SCP2: variants seen among roughly 807,000 people sequenced by gnomAD.
SCP2 encodes the protein SCP-2/3-oxoacyl-CoA thiolase.
SCP2 carries 48 observed loss-of-function variants against 71.4 expected under a neutral mutation model. The observed-to-expected ratio is 0.67, with a 90% confidence interval of 0.53 to 0.86. The LOEUF is 0.86. Ranked by LOEUF, SCP2 falls within the 40% of genes least tolerant of loss-of-function variation. The probability of loss-of-function intolerance (pLI) is 0.00; values close to 1 mark genes in which losing one functional copy is unlikely to be tolerated. For synonymous variants in SCP2, 220 were observed against 218.1 expected, an observed-to-expected ratio of 1.01 and a Z score of -0.08; for missense variants, 560 against 655.6, an observed-to-expected ratio of 0.85 and a Z score of 1.59.
intron 3 of SCP2, among the ~76,000 whole-genome samples, chr1:52,948,947 A>ATTT (rs35066602): frequency 2.7e-5 from 4 of 146,412 alleles, no homozygotes; most frequent in Non-Finnish European, 1.5e-5. Flanking sequence ...CCCCAACAAC[A>ATTT]TTTTTTTTTT....
At chr1:52,928,355 GTGAATGTTAGTTGAACAATAC>G (rs1652734474) in intron 1 of SCP2, among the ~76,000 whole-genome samples, 1 of 152,224 alleles carries the variant, frequency 6.6e-6, no homozygotes, top group East Asian at 1.9e-4. Context: ...AAGACCCTCA[GTGAATGTTAGTTGAACAATAC>G]TAAATGGATA....
chr1:52,937,136 A>G (rs553748632), intron 1 of SCP2, among the ~76,000 whole-genome samples: 9 of 152,242 alleles, frequency 5.9e-5, no homozygotes, highest in African/African-American at 2.2e-4. Context: ...AAAAGGTCTG[A>G]TCCTTATTGG....
intron 13 of SCP2, among the ~76,000 whole-genome samples, chr1:53,037,930 A>G (rs954971613): frequency 2.5e-4 from 30 of 119,718 alleles, no homozygotes; most frequent in Non-Finnish European, 4.9e-4. Context: ...ACACACACAC[A>G]GATCCAGATC....
At position 53,021,440 on chromosome 1, in the gene SCP2, T is replaced by C. The variant is rs1371021604; in HGVS notation, c.1235+6397T>C. 4.6e-5 allele frequency among the ~76,000 whole-genome samples: 7 copies of C among 150,984 alleles called. No individual in the cohort carries two copies. The South Asian group carries it at 1.5e-3, about 32-fold the overall frequency. ...CAAGCAATTCTCCTGCCTCAGCCTC[T>C]TGAGTAGCTGGGACTACAGGCACGC... On this transcript the variant is annotated intron_variant, in intron 12 of 15. Coordinates refer to ENST00000371514, the MANE Select transcript of SCP2 (RefSeq NM_002979.5).
intron 11 of SCP2, among the ~76,000 whole-genome samples, chr1:53,000,730 G>A (rs935665920): frequency 6.6e-6 from 1 of 152,174 alleles, no homozygotes; most frequent in African/African-American, 2.4e-5. Flanking sequence ...GCTGAGGCGG[G>A]CAGATCGCTT....
intron 3 of SCP2, 44 bp from the exon 4 acceptor site, chr1:52,950,711 A>G (rs1304588965): frequency 6.4e-7 from 1 of 1,559,234 alleles, no homozygotes; most frequent in East Asian, 2.2e-5. Context: ...GTTGCATTGC[A>G]ACTCCATAAT....
At chr1:52,928,141 T>C (rs1652699654) in intron 1 of SCP2, among the ~76,000 whole-genome samples, 1 of 152,250 alleles carries the variant, frequency 6.6e-6, no homozygotes, top group African/African-American at 2.4e-5. Flanking sequence ...TCGGATCTTC[T>C]CCAGGACGCC....
At chr1:53,031,391 C>T (rs1662536642) in intron 13 of SCP2, among the ~76,000 whole-genome samples, 1 of 152,172 alleles carries the variant, frequency 6.6e-6, no homozygotes, top group Non-Finnish European at 1.5e-5. Context: ...GTGTTTGCAG[C>T]ACTAGAAAGT....
intron 9 of SCP2, among the ~76,000 whole-genome samples, chr1:52,978,882 C>T (rs1299052699): frequency 6.6e-6 from 1 of 152,080 alleles, no homozygotes; most frequent in Non-Finnish European, 1.5e-5. Context: ...TTTTAATGAA[C>T]TTTCTTGACC....
intron 12 of SCP2, among the ~76,000 whole-genome samples, chr1:53,026,279 T>G (rs1662125737): frequency 6.6e-6 from 1 of 152,182 alleles, no homozygotes; most frequent in Non-Finnish European, 1.5e-5. Context: ...TTATTCTCTT[T>G]TGATTATTCT....
In SCP2 at chr1:53,002,272, G is replaced by C. The variant is rs143560776; in HGVS notation, c.1082-12618G>C. On this transcript the variant is annotated intron_variant, in intron 11 of 15. Transcript: ENST00000371514. ...TGAAGTCAGGATTCATATTTCATTT[G>C]TCTCTCTACCTTGAACAGTGTGCAA... Among the ~76,000 whole-genome samples, 7 of 152,082 alleles carry C rather than the reference G, an allele frequency of 4.6e-5. No individual in the cohort carries two copies. The East Asian group carries it at 1.4e-3, about 29-fold the overall frequency.
rs1056470304 is a variant in SCP2, at chr1:52,999,569, C to G, written c.1081+11433C>G. 2.0e-4 allele frequency among the ~76,000 whole-genome samples: 31 copies of G among 152,116 alleles called. 1 individual carries two copies. The highest frequency in any genetic ancestry group is 7.9e-4 in the Admixed American group (12 of 15,272). On this transcript the variant is annotated intron_variant, in intron 11 of 15. Transcript: ENST00000371514. ...AAGTTTCTACCTGCCATAACAGTAT[C>G]AATAGTAAAAGAAAATTGTAGTTTT...
chr1:53,042,941 T>C (rs2150270045), intron 14 of SCP2, among the ~76,000 whole-genome samples: 1 of 152,314 alleles, frequency 6.6e-6, no homozygotes, highest in Admixed American at 6.5e-5. Flanking sequence ...CTCATCTCCT[T>C]TGAAACGACT....
chr1:52,938,582 A>T (rs575597252), intron 1 of SCP2, among the ~76,000 whole-genome samples: 12 of 152,258 alleles, frequency 7.9e-5, no homozygotes, highest in African/African-American at 2.9e-4. Flanking sequence ...GTCTAGGATG[A>T]TCTAAAATGC....
chr1:52,965,738 G>A (rs1350389932), intron 6 of SCP2, among the ~76,000 whole-genome samples: 1 of 151,724 alleles, frequency 6.6e-6, no homozygotes, highest in African/African-American at 2.4e-5. Flanking sequence ...GGATTCAAGC[G>A]ATTCTCCTGC....
At chr1:52,962,399 ACTT>A (rs1299809926) in intron 6 of SCP2, among the ~76,000 whole-genome samples, 1 of 151,976 alleles carries the variant, frequency 6.6e-6, no homozygotes, top group East Asian at 1.9e-4. Context: ...TGGTTTCTCT[ACTT>A]CTGCTTGTGC....
At chr1:53,007,086 C>G (rs1168003846) in intron 11 of SCP2, among the ~76,000 whole-genome samples, 1 of 152,122 alleles carries the variant, frequency 6.6e-6, no homozygotes, top group Non-Finnish European at 1.5e-5. Context: ...GATAACTATC[C>G]TAAATATATA....
rs1198623181 is a variant in SCP2, at chr1:52,950,761, C to G, written c.206C>G (p.Ser69Cys). The part of the protein sequence containing the change: ...QACVGYVFGD[S>C]TCGQRAIYHS... ...TTTTTGTTTTTCTATTCAGGTGACT[C>G]TACCTGTGGGCAGAGGGCTATCTAT... The change falls in exon 4 of 16, where the codon TCT becomes TGT. Residue 69 changes from serine (S) to cysteine (C), a missense_variant. By Grantham distance (112) the Ser-to-Cys change is moderately radical. Around this residue, in one of 3 missense-constraint regions of SCP2, gnomAD observed 513 missense variants for 573.1 expected, o/e 0.90. Transcript: ENST00000371514. 6 of 1,613,592 alleles carry G rather than the reference C, an allele frequency of 3.7e-6. No homozygotes were observed. Among genetic ancestry groups the G allele is most frequent in the South Asian group, 1.1e-5 (1 of 91,058 alleles).
chr1:52,941,800 TGAA>T lies in SCP2; in HGVS notation c.76_78del (p.Lys26del). The T allele has an allele frequency of 6.3e-7, 1 of 1,599,346 alleles. No individual in the cohort carries two copies. The highest frequency in any genetic ancestry group is 2.2e-5 in the East Asian group (1 of 44,802). On this transcript the variant is annotated inframe_deletion, in exon 2 of 16. Coordinates refer to ENST00000371514, the MANE Select transcript of SCP2 (RefSeq NM_002979.5). The stretch of plus-strand genomic sequence containing the variant: ...TATCTCTTTCTATATCTCTAGTTTG[TGAA>T]GCCTGGAGCTGAGAATTCAAGAGAC...
Sources: gnomAD v4.1 joint callset for allele counts (sites outside exome capture counted in the v4.1 genomes callset) on GRCh38, gnomAD v4.1.1 for gene constraint, gnomAD v4.1.1 regional missense constraint, MANE v1.5 for transcripts, NCBI Gene and HGNC (gene_info 2026-07-23, HGNC 2026-07-21) for gene names.